The following PLD5 variants were observed in gnomAD, a reference collection of about 807,000 sequenced individuals.
PLD5 encodes inactive phospholipase D5.
Under a neutral mutation model 61.1 loss-of-function variants are expected in PLD5, and 36 were observed. That is an observed-to-expected ratio of 0.59 (90% CI 0.45 to 0.78). The LOEUF (loss-of-function observed/expected upper bound fraction) is 0.78. Ranked by LOEUF, PLD5 falls within the 30% of genes least tolerant of loss-of-function variation. The probability of loss-of-function intolerance (pLI) is 0.00; values close to 1 mark genes in which losing one functional copy is unlikely to be tolerated. For synonymous variants in PLD5, 243 were observed against 242.8 expected (o/e 1.00, Z -0.01); for missense variants, 515 against 644.4 (o/e 0.80, Z 2.17).
At chr1:242,283,717 G>A (rs1005232557) in intron 3 of PLD5, among the ~76,000 whole-genome samples, 19 of 151,928 alleles carry the variant, frequency 1.3e-4, no homozygotes, top group Non-Finnish European at 2.2e-4. Context: ...ATTTTTGCAC[G>A]CAATAAACCA....
At chr1:242,127,627 G>A (rs1047459951) in intron 5 of PLD5, among the ~76,000 whole-genome samples, 1 of 151,942 alleles carries the variant, frequency 6.6e-6, no homozygotes, top group African/African-American at 2.4e-5. Flanking sequence ...GCATAAGAAT[G>A]ATATGACAGA....
chr1:242,284,149 T>A (rs1286347083), intron 3 of PLD5, among the ~76,000 whole-genome samples: 1 of 77,416 alleles, frequency 1.3e-5, no homozygotes, highest in Non-Finnish European at 2.4e-5. Context: ...TTTTTTTTTT[T>A]TATAGATACA....
In PLD5 at chr1:242,336,509, C is replaced by T. The variant is rs538847594; in HGVS notation, c.326+11597G>A. Reference sequence around the variant, plus strand: ...ATCTATCTGTCTTAATACGTAAAGGCGTGGAAAAAAATCGTTCATGGTACA... The same window carrying T: ...ATCTATCTGTCTTAATACGTAAAGGTGTGGAAAAAAATCGTTCATGGTACA... On this transcript the variant is annotated intron_variant, in intron 2 of 9. Coordinates refer to ENST00000536534, the MANE Select transcript of PLD5 (RefSeq NM_001372062.1). 3.3e-5 allele frequency among the ~76,000 whole-genome samples: 5 copies of T among 151,956 alleles called. No individual in the cohort carries two copies. The East Asian group carries it at 5.8e-4, about 18-fold the overall frequency.
chr1:242,341,832 G>A (rs1294125129), intron 2 of PLD5, among the ~76,000 whole-genome samples: 2 of 144,260 alleles, frequency 1.4e-5, no homozygotes, highest in African/African-American at 2.6e-5. Context: ...AGACTGAGTT[G>A]TTCCGTTTCC....
chr1:242,213,001 G>A (rs886908998), intron 5 of PLD5, among the ~76,000 whole-genome samples: 9 of 152,034 alleles, frequency 5.9e-5, no homozygotes, highest in African/African-American at 1.5e-4. Flanking sequence ...CTTGGAATTC[G>A]CCCATTTTTG....
At chr1:242,372,604 A>C (rs1298919075) in intron 1 of PLD5, among the ~76,000 whole-genome samples, 1 of 152,220 alleles carries the variant, frequency 6.6e-6, no homozygotes, top group Non-Finnish European at 1.5e-5. Context: ...GATATAGACC[A>C]ATCAAACAGA....
At position 242,495,148 on chromosome 1, in the gene PLD5, T is replaced by C. The variant is rs541995545; in HGVS notation, c.189+28940A>G. On this transcript the variant is annotated intron_variant, in intron 1 of 9. Transcript: ENST00000536534. ...GCAGAAGATGACATAAACTAGATTT[T>C]GCTTCTTGCCTTCAGAAGCACAAAC... Among the ~76,000 whole-genome samples, 7 of 152,304 alleles carry C rather than the reference T, an allele frequency of 4.6e-5. No homozygotes were observed. The East Asian group carries it at 7.7e-4, about 17-fold the overall frequency.
At chr1:242,313,147 T>C (rs1420854322) in intron 2 of PLD5, among the ~76,000 whole-genome samples, 1 of 152,248 alleles carries the variant, frequency 6.6e-6, no homozygotes, top group East Asian at 1.9e-4. Context: ...ATAAAAATAG[T>C]ACAATTGCAG....
In PLD5 at chr1:242,089,727, A is replaced by G; in HGVS notation, c.*127T>C. On this transcript the variant is annotated 3_prime_UTR_variant, in exon 10 of 10. Coordinates refer to ENST00000536534, the MANE Select transcript of PLD5 (RefSeq NM_001372062.1). Reference sequence around the variant, plus strand: ...GTTAGATAGGTATTATGTGTTGTTCAGAGAATATTTTTTATAAGTGTGCTT... The same window carrying G: ...GTTAGATAGGTATTATGTGTTGTTCGGAGAATATTTTTTATAAGTGTGCTT... 1.6e-6 allele frequency: 2 copies of G among 1,257,348 alleles called. No individual in the cohort carries two copies. The highest frequency in any genetic ancestry group is 4.2e-5 in the Admixed American group (2 of 47,188). The allele number at this position is 1,257,348 out of a possible 1,614,324, so 77.9% of individuals were successfully genotyped here.
At chr1:242,295,032 T>C (rs1467597262) in intron 2 of PLD5, among the ~76,000 whole-genome samples, 1 of 152,180 alleles carries the variant, frequency 6.6e-6, no homozygotes, top group Non-Finnish European at 1.5e-5. Flanking sequence ...GATTTTCTGG[T>C]CACATTAATG....
intron 2 of PLD5, among the ~76,000 whole-genome samples, chr1:242,296,702 G>A (rs1037988557): frequency 5.9e-5 from 9 of 152,208 alleles, no homozygotes; most frequent in African/African-American, 1.7e-4. Flanking sequence ...CTGGCTAACA[G>A]TATGCTGATT....
At chr1:242,241,829 T>C (rs1672027384) in intron 4 of PLD5, among the ~76,000 whole-genome samples, 1 of 144,644 alleles carries the variant, frequency 6.9e-6, no homozygotes, top group East Asian at 2.0e-4. Context: ...ATTAAAAATA[T>C]TGAAGAAGGC....
At chr1:242,472,617 G>T (rs572653716) in intron 1 of PLD5, among the ~76,000 whole-genome samples, 13 of 152,330 alleles carry the variant, frequency 8.5e-5, no homozygotes, top group African/African-American at 3.1e-4. Flanking sequence ...TCTCAATTAT[G>T]AACTGGTGTA....
chr1:242,392,516 G>A (rs1662992789), intron 1 of PLD5, among the ~76,000 whole-genome samples: 1 of 152,204 alleles, frequency 6.6e-6, no homozygotes, highest in Admixed American at 6.5e-5. Context: ...GTTAGAAGCA[G>A]CATTGAGCCA....
intron 1 of PLD5, among the ~76,000 whole-genome samples, chr1:242,493,359 C>A (rs530540846): frequency 1.1e-4 from 17 of 152,230 alleles, no homozygotes; most frequent in African/African-American, 3.4e-4. Flanking sequence ...ATGTCTGAAG[C>A]CTTCATGCTG....
intron 4 of PLD5, among the ~76,000 whole-genome samples, chr1:242,236,089 G>T (rs534837294): frequency 2.8e-4 from 43 of 152,242 alleles, no homozygotes; most frequent in African/African-American, 5.5e-4. Flanking sequence ...TCTTACAGAA[G>T]AGGCCCCAGA....
At chr1:242,209,229 T>C (rs1392218894) in intron 5 of PLD5, 1 of 152,096 alleles carries the variant, frequency 6.6e-6, no homozygotes, top group Non-Finnish European at 1.5e-5. Flanking sequence ...AGCTCCTGAA[T>C]TTCACAGACA....
chr1:242,302,542 A>ACC (rs35533285), intron 2 of PLD5, among the ~76,000 whole-genome samples: 2 of 152,192 alleles, frequency 1.3e-5, no homozygotes, highest in Admixed American at 1.3e-4. Flanking sequence ...ACACAGCAAG[A>ACC]CCTGTCTCTA....
At chr1:242,414,806 T>C (rs1281319834) in intron 1 of PLD5, among the ~76,000 whole-genome samples, 1 of 152,100 alleles carries the variant, frequency 6.6e-6, no homozygotes, top group African/African-American at 2.4e-5. Flanking sequence ...AAAAAGCTAT[T>C]GTTGGCAAAA....
Sources: allele counts gnomAD v4.1 joint callset (sites outside exome capture counted in the v4.1 genomes callset), GRCh38; gene constraint gnomAD v4.1.1; transcripts MANE v1.5; gene names NCBI Gene and HGNC (gene_info 2026-07-23, HGNC 2026-07-21).